SAMD3: variants seen among roughly 807,000 people sequenced by gnomAD.
SAMD3 encodes sterile alpha motif domain containing 3.
Under a neutral mutation model 58.5 loss-of-function variants are expected in SAMD3, and 63 were observed. The observed-to-expected ratio is 1.08, with a 90% CI of 0.88 to 1.33. The LOEUF is 1.33. SAMD3 is among the 40% of genes most tolerant of loss of function. SAMD3 has a pLI of 0.00. For synonymous variants in SAMD3, 220 were observed against 210.3 expected (o/e 1.05, Z -0.40); for missense variants, 604 against 608.4 (o/e 0.99, Z 0.08).
At chr6:130,263,231 T>C (rs1022276930) in intron 2 of SAMD3, among the ~76,000 whole-genome samples, 15 of 152,186 alleles carry the variant, frequency 9.9e-5, no homozygotes, top group Non-Finnish European at 1.6e-4. Flanking sequence ...TAAAGTCCAC[T>C]GCCAAGGTCC....
At position 130,184,126 on chromosome 6, in the gene SAMD3, G is replaced by C. The variant is rs144450186; in HGVS notation, c.631C>G (p.Leu211Val). ...VNALLQAHPF[L>V]DEDGCGFFLW... ...ACGAAGCCACAGCCATCCTCATCCA[G>C]GAAAGGGTGGGCCTGCAGCAGGGCA... The change falls in exon 7 of 12, where the codon CTG (leucine) becomes GTG (valine). Residue 211 changes from leucine (L) to valine (V), a missense_variant. Physicochemically the swap from Leu to Val is conservative, Grantham distance 32 (BLOSUM62 1). Transcript: ENST00000439090. 1.0e-4 allele frequency: 163 copies of C among 1,613,980 alleles called. 1 individual carries two copies. The highest frequency in any genetic ancestry group is 1.4e-4 in the Non-Finnish European group (160 of 1,179,892).
At chr6:130,265,969 T>TA (rs1365656401) in intron 2 of SAMD3, among the ~76,000 whole-genome samples, 6 of 151,934 alleles carry the variant, frequency 3.9e-5, no homozygotes, top group African/African-American at 9.7e-5. Context: ...GCTACTTGGA[T>TA]TAAAAAAATG....
intron 8 of SAMD3, among the ~76,000 whole-genome samples, chr6:130,169,759 G>T (rs966554042): frequency 2.0e-5 from 3 of 152,204 alleles, no homozygotes; most frequent in Admixed American, 2.0e-4. Context: ...GTTAAAAGAT[G>T]ATGTGTCAAC....
At chr6:130,237,978 T>C (rs563855111) in intron 2 of SAMD3, among the ~76,000 whole-genome samples, 9 of 152,158 alleles carry the variant, frequency 5.9e-5, no homozygotes, top group Non-Finnish European at 1.3e-4. Context: ...TTAGCTGTTG[T>C]TTTTGCAAAT....
chr6:130,198,792 C>T (rs768748795), intron 5 of SAMD3, among the ~76,000 whole-genome samples: 8 of 152,210 alleles, frequency 5.3e-5, no homozygotes, highest in Non-Finnish European at 7.4e-5. Flanking sequence ...AGGTCAGACA[C>T]GCCAAAAATA....
At chr6:130,248,322 C>T (rs985320663) in intron 2 of SAMD3, among the ~76,000 whole-genome samples, 1 of 152,066 alleles carries the variant, frequency 6.6e-6, no homozygotes, top group Non-Finnish European at 1.5e-5. Flanking sequence ...ATGGCCCCAA[C>T]AAATAACCAC....
intron 1 of SAMD3, among the ~76,000 whole-genome samples, chr6:130,349,701 TCCTC>T (rs1304433754): frequency 6.6e-6 from 1 of 152,074 alleles, no homozygotes; most frequent in Non-Finnish European, 1.5e-5. Context: ...AAAGAGGGAA[TCCTC>T]CCTAACTCAT....
intron 9 of SAMD3, among the ~76,000 whole-genome samples, chr6:130,151,144 C>A (rs995208531): frequency 3.9e-5 from 6 of 152,144 alleles, no homozygotes; most frequent in African/African-American, 1.4e-4. Flanking sequence ...CTTCATCATT[C>A]CTCAACTTTA....
intron 1 of SAMD3, among the ~76,000 whole-genome samples, chr6:130,332,738 G>A (rs1321066194): frequency 1.3e-5 from 2 of 152,242 alleles, no homozygotes; most frequent in South Asian, 4.1e-4. Context: ...TTTTTAGAAA[G>A]AATTTTGCTG....
At chr6:130,153,658 A>ATTTATT (rs1789430734) in intron 9 of SAMD3, among the ~76,000 whole-genome samples, 3 of 96,830 alleles carry the variant, frequency 3.1e-5, no homozygotes, top group Admixed American at 1.1e-4. Context: ...ATATATATAT[A>ATTTATT]TATATATTTA....
In SAMD3 at chr6:130,219,558, C is replaced by G. The variant is rs151112684; in HGVS notation, c.-67-2942G>C. Among the ~76,000 whole-genome samples the G allele has an allele frequency of 9.7e-3, 1,472 of 152,304 alleles. 26 individuals carry two copies. Among genetic ancestry groups the G allele is most frequent in the African/African-American group, 0.032 (1,317 of 41,564 alleles). On this transcript the variant is annotated intron_variant, in intron 1 of 11. Transcript: ENST00000439090. ...GCCTTTTCATCCTCATAGCTTAGCTCCCACTTATGAATGAGAACATATGAT... is the reference window on the plus strand; with the variant it reads ...GCCTTTTCATCCTCATAGCTTAGCTGCCACTTATGAATGAGAACATATGAT...
chr6:130,354,330 AC>A (rs1315309563), intron 1 of SAMD3, among the ~76,000 whole-genome samples: 4 of 152,188 alleles, frequency 2.6e-5, no homozygotes, highest in African/African-American at 9.6e-5. Context: ...CTGAGTATAT[AC>A]CCAAAGTAAT....
Position 130,146,145 on chromosome 6 carries a change from T to C in SAMD3, c.1060A>G (p.Ile354Val), listed in dbSNP as rs1788607931. ...REFQLLTRTDIYKKTRHILES... is the reference protein window; with the variant it reads ...REFQLLTRTDVYKKTRHILES... The stretch of plus-strand genomic sequence containing the variant: ...AAAATGTGCCTTGTTTTCTTATAAA[T>C]ATCTGTTCTTGTAAGAAGTTGGAAT... The change falls in exon 10 of 12, where the codon ATT becomes GTT. Residue 354 changes from isoleucine (I) to valine (V), a missense_variant. Transcript: ENST00000439090. The C allele has an allele frequency of 6.3e-7, 1 of 1,595,968 alleles. No homozygotes were observed.
intron 1 of SAMD3, among the ~76,000 whole-genome samples, chr6:130,356,387 T>G (rs112900002): frequency 6.6e-6 from 1 of 152,348 alleles, no homozygotes; most frequent in African/African-American, 2.4e-5. Context: ...TATGCAGATA[T>G]CTGCTCAAAT....
Position 130,288,364 on chromosome 6 carries a change from T to C in SAMD3, c.-188+24614A>G, listed in dbSNP as rs117917810. On this transcript the variant is annotated intron_variant, in intron 2 of 13. Coordinates refer to the SAMD3 transcript ENST00000368134. ...CTTCTGGGTACCTCAGTCTTTTCCCTAAAGGCCTTCAACTTACTGAATGAG... is the reference window on the plus strand; with the variant it reads ...CTTCTGGGTACCTCAGTCTTTTCCCCAAAGGCCTTCAACTTACTGAATGAG... 6.4e-4 allele frequency among the ~76,000 whole-genome samples: 97 copies of C among 152,284 alleles called. 1 individual carries two copies. In the East Asian group the frequency reaches 0.018, roughly 28 times the overall value.
intron 1 of SAMD3, among the ~76,000 whole-genome samples, chr6:130,342,707 A>C (rs1420858782): frequency 2.6e-5 from 4 of 152,238 alleles, no homozygotes; most frequent in Admixed American, 2.6e-4. Context: ...GTTTAACCCA[A>C]CACTTCATTG....
At chr6:130,315,218 T>C (rs1776321272) in intron 1 of SAMD3, among the ~76,000 whole-genome samples, 1 of 152,178 alleles carries the variant, frequency 6.6e-6, no homozygotes, top group Non-Finnish European at 1.5e-5. Flanking sequence ...CACCATCTTA[T>C]AGTATGTCAG....
Position 130,222,134 on chromosome 6 carries a change from G to A in SAMD3, c.-68+560C>T, listed in dbSNP as rs559386966. On this transcript the variant is annotated intron_variant, in intron 1 of 11. Transcript: ENST00000439090. ...TTCCTTTGCTTGTAAAGGTAAAAGT[G>A]ATTTGAATCCAATCTATCCAACTTT... 9.2e-5 allele frequency among the ~76,000 whole-genome samples: 14 copies of A among 152,248 alleles called. 1 individual carries two copies. The highest frequency in any genetic ancestry group is 3.4e-4 in the African/African-American group (14 of 41,556).
At chr6:130,326,055 A>C (rs1286070387) in intron 1 of SAMD3, among the ~76,000 whole-genome samples, 1 of 152,190 alleles carries the variant, frequency 6.6e-6, no homozygotes, top group African/African-American at 2.4e-5. Flanking sequence ...AAACTCAACG[A>C]ATGTCAGAGG....
Sources: allele counts gnomAD v4.1 joint callset (sites outside exome capture counted in the v4.1 genomes callset), GRCh38; gene constraint gnomAD v4.1.1; transcripts MANE v1.5; gene names NCBI Gene and HGNC (gene_info 2026-07-23, HGNC 2026-07-21).